GLIS3: variants seen among roughly 807,000 people sequenced by gnomAD.
The protein encoded by GLIS3 is GLIS family zinc finger 3.
A neutral mutation model predicts 78.6 loss-of-function variants in GLIS3; 53 were observed. That is an observed-to-expected ratio of 0.67 (90% CI 0.54 to 0.85). GLIS3 has a LOEUF of 0.85. Ranked by LOEUF, GLIS3 falls within the 40% of genes least tolerant of loss-of-function variation. The pLI is 0.00. For synonymous variants in GLIS3, 684 were observed against 509.9 expected (o/e 1.34, Z -4.60); for missense variants, 1,703 against 1,231.1 (o/e 1.38, Z -5.74).
chr9:4,315,073 T>C (rs1028270856), intron 2 of GLIS3, among the ~76,000 whole-genome samples: 2 of 152,234 alleles, frequency 1.3e-5, no homozygotes, highest in Non-Finnish European at 2.9e-5. Flanking sequence ...CTCTTCTGTG[T>C]ACTGACTCAA....
intron 4 of GLIS3, among the ~76,000 whole-genome samples, chr9:4,097,106 C>A (rs572993485): frequency 3.3e-5 from 5 of 152,168 alleles, no homozygotes; most frequent in African/African-American, 9.7e-5. Context: ...GGGAGGGCTT[C>A]TGTTCACAGA....
the GLIS3 span, among the ~76,000 whole-genome samples, chr9:4,372,114 T>C: frequency 1.3e-5 from 2 of 152,162 alleles, no homozygotes; most frequent in South Asian, 2.1e-4. Context: ...GCTTATGCTG[T>C]GAAGGGTGGC....
the GLIS3 span, among the ~76,000 whole-genome samples, chr9:4,372,327 T>C: frequency 1.8e-4 from 28 of 152,180 alleles, no homozygotes; most frequent in African/African-American, 2.7e-4. Flanking sequence ...TCATTGATTT[T>C]ATTTTCTGTA....
At chr9:3,994,323 G>C (rs369119187) in intron 4 of GLIS3, among the ~76,000 whole-genome samples, 6 of 152,138 alleles carry the variant, frequency 3.9e-5, no homozygotes, top group African/African-American at 7.2e-5. Flanking sequence ...GGCCTGGAAC[G>C]GGCACAGCTG....
intron 4 of GLIS3, among the ~76,000 whole-genome samples, chr9:4,053,881 A>G (rs1305023215): frequency 1.3e-5 from 2 of 151,964 alleles, no homozygotes; most frequent in African/African-American, 2.4e-5. Flanking sequence ...ACCATCAAAC[A>G]CGGCAATCTG....
At chr9:4,199,356 G>T (rs181317397) in intron 2 of GLIS3, among the ~76,000 whole-genome samples, 20 of 152,004 alleles carry the variant, frequency 1.3e-4, no homozygotes, top group African/African-American at 4.6e-4. Flanking sequence ...CAAAGTAAAG[G>T]TTTAGAGAAG....
chr9:4,316,961 A>ATGT (rs34807729), intron 2 of GLIS3, among the ~76,000 whole-genome samples: 70,919 of 151,718 alleles, frequency 0.47, 18,879 homozygotes, highest in African/African-American at 0.75. Context: ...GTTTTTTAAT[A>ATGT]TGTTTTGCTT....
chr9:4,426,989 C>A, the GLIS3 span, among the ~76,000 whole-genome samples: 1 of 152,160 alleles, frequency 6.6e-6, no homozygotes, highest in Admixed American at 6.5e-5. Context: ...AGAGTAGAGC[C>A]CATGTCTTAG....
chr9:4,141,799 A>G (rs1189919030), intron 2 of GLIS3, among the ~76,000 whole-genome samples: 3 of 152,238 alleles, frequency 2.0e-5, no homozygotes, highest in Admixed American at 1.3e-4. Context: ...CTAAAATACC[A>G]AAATATAAAA....
the GLIS3 span, among the ~76,000 whole-genome samples, chr9:4,488,932 T>G: frequency 6.6e-6 from 1 of 152,042 alleles, no homozygotes. Flanking sequence ...AGTGGCTTGA[T>G]CTCAGCTTAC....
intron 6 of GLIS3, among the ~76,000 whole-genome samples, chr9:3,929,541 A>G (rs1306513655): frequency 6.6e-6 from 1 of 152,094 alleles, no homozygotes; most frequent in Non-Finnish European, 1.5e-5. Context: ...CCCCGATTCC[A>G]CAGTAGGACT....
intron 4 of GLIS3, among the ~76,000 whole-genome samples, chr9:4,025,850 G>A (rs1474021236): frequency 2.0e-5 from 3 of 152,086 alleles, no homozygotes; most frequent in African/African-American, 7.2e-5. Flanking sequence ...TTAAATCATG[G>A]TTTTTGCCCA....
At chr9:4,082,809 T>C (rs1049528234) in intron 4 of GLIS3, among the ~76,000 whole-genome samples, 2 of 152,240 alleles carry the variant, frequency 1.3e-5, no homozygotes, top group African/African-American at 4.8e-5. Flanking sequence ...ACTAAAGTAG[T>C]TCTAAAAATT....
At chr9:4,373,858 G>A in the GLIS3 span, among the ~76,000 whole-genome samples, 1 of 151,942 alleles carries the variant, frequency 6.6e-6, no homozygotes, top group African/African-American at 2.4e-5. Context: ...AGTAGAGACG[G>A]GGTTTTACCA....
At chr9:3,871,747 C>A (rs1242411060) in intron 8 of GLIS3, among the ~76,000 whole-genome samples, 1 of 152,158 alleles carries the variant, frequency 6.6e-6, no homozygotes, top group Non-Finnish European at 1.5e-5. Context: ...GGCCTTGGGG[C>A]CTGTGACTGG....
chr9:4,163,484 C>G (rs1403649857), intron 2 of GLIS3, among the ~76,000 whole-genome samples: 1 of 152,246 alleles, frequency 6.6e-6, no homozygotes. Context: ...GAAGTCCTCA[C>G]ACTTTCTGGC....
rs76271229 is a variant in GLIS3, at chr9:4,105,719, G to A, written c.1710+12049C>T. Among the ~76,000 whole-genome samples the A allele has an allele frequency of 8.7e-3, 1,324 of 152,264 alleles. 12 individuals carry two copies. The highest frequency in any genetic ancestry group is 0.013 in the Non-Finnish European group (891 of 68,010). On this transcript the variant is annotated intron_variant, in intron 4 of 10. Coordinates refer to ENST00000381971, the MANE Select transcript of GLIS3 (RefSeq NM_001042413.2). The stretch of plus-strand genomic sequence containing the variant: ...TGTTTTGATTTACTATCTCAATAGA[G>A]TAAGCAGTTGGAGTGATTTCTCCCT...
At chr9:4,116,369 G>A (rs1564070401) in intron 4 of GLIS3, among the ~76,000 whole-genome samples, 1 of 152,168 alleles carries the variant, frequency 6.6e-6, no homozygotes, top group Non-Finnish European at 1.5e-5. Context: ...ACAGAGTAAG[G>A]TTTTGCTGTC....
chr9:3,936,102 T>C (rs1329671182), intron 5 of GLIS3, among the ~76,000 whole-genome samples: 1 of 152,212 alleles, frequency 6.6e-6, no homozygotes, highest in Non-Finnish European at 1.5e-5. Flanking sequence ...AGTTTAATAA[T>C]AGACATCAGA....
Sources: allele counts gnomAD v4.1 joint callset (sites outside exome capture counted in the v4.1 genomes callset), GRCh38; gene constraint gnomAD v4.1.1; transcripts MANE v1.5; gene names NCBI Gene and HGNC (gene_info 2026-07-23, HGNC 2026-07-21).